The following SECISBP2 variants were observed in gnomAD, a reference collection of about 807,000 sequenced individuals.
The protein encoded by SECISBP2 is selenocysteine insertion sequence-binding protein 2.
SECISBP2 carries 96 observed loss-of-function variants against 98.2 expected under a neutral mutation model. The observed-to-expected ratio is 0.98, with a 90% confidence interval of 0.83 to 1.16. The LOEUF is 1.16. SECISBP2 is among the 50% of genes most tolerant of loss of function. SECISBP2 has a pLI of 0.00. For missense variants in SECISBP2, 1,046 were observed against 1,022.9 expected, an observed-to-expected ratio of 1.02 and a Z score of -0.31; for synonymous variants, 407 against 370.2, an observed-to-expected ratio of 1.10 and a Z score of -1.14.
At chr9:89,357,288 C>T (rs755661656) in intron 14 of SECISBP2, 123 bp from the exon 15 acceptor site, 16 of 1,024,014 alleles carry the variant, frequency 1.6e-5, no homozygotes, top group Admixed American at 3.4e-5. Flanking sequence ...TTTTCAGGGG[C>T]GTCTGCCTTG....
intron 5 of SECISBP2, 110 bp downstream of exon 5, chr9:89,328,996 G>T: frequency 1.1e-6 from 1 of 909,514 alleles, no homozygotes. Context: ...CATGGAGCTG[G>T]GGAGGATGTA....
In SECISBP2 at chr9:89,359,541, T is replaced by C. The variant is rs965272650; in HGVS notation, c.*717T>C. On this transcript the variant is annotated 3_prime_UTR_variant, in exon 17 of 17. Coordinates refer to ENST00000375807, the MANE Select transcript of SECISBP2 (RefSeq NM_024077.5). ...CTTTCCTTTTTCAATGAACATATTC[T>C]GAATGTGGTTTCTGTCTTAGACCAG... The C allele has an allele frequency of 1.3e-4, 20 of 152,352 alleles. No individual in the cohort carries two copies. The highest frequency in any genetic ancestry group is 4.6e-4 in the African/African-American group (19 of 41,458). The allele number at this position is 152,352 out of a possible 1,614,324, so 9.4% of individuals were successfully genotyped here. A position where few individuals can be genotyped will look rare whatever the true frequency, so the allele number is the denominator to read the frequency against.
downstream of SECISBP2, chr9:89,363,991 G>A (rs1210963783): frequency 1.9e-6 from 3 of 1,613,786 alleles, no homozygotes; most frequent in Admixed American, 3.3e-5. Flanking sequence ...TCCACATTTA[G>A]GACCCAAAGA....
chr9:89,338,886 G>GTC (rs1554721253), intron 8 of SECISBP2, among the ~76,000 whole-genome samples: 2,268 of 140,746 alleles, frequency 0.016, 32 homozygotes, highest in Middle Eastern at 0.033. Flanking sequence ...TTCTTTACCT[G>GTC]TTTTTTTTTT....
At chr9:89,362,555 C>T (rs933023701), downstream of SECISBP2, 17 of 1,541,040 alleles carry the variant, frequency 1.1e-5, no homozygotes, top group African/African-American at 1.4e-4. Flanking sequence ...GTTGTGGTTC[C>T]CCTCCTTGGA....
At chr9:89,350,184 A>C (rs1831062292) in intron 13 of SECISBP2, among the ~76,000 whole-genome samples, 1 of 152,126 alleles carries the variant, frequency 6.6e-6, no homozygotes, top group South Asian at 2.1e-4. Flanking sequence ...TCGGGAGTGG[A>C]TAGTGAAGTG....
chr9:89,351,612 G>A (rs560834518), intron 14 of SECISBP2, among the ~76,000 whole-genome samples: 8 of 152,270 alleles, frequency 5.3e-5, no homozygotes, highest in Non-Finnish European at 1.0e-4. Flanking sequence ...GTCCCACTTT[G>A]AGATAATGCA....
intron 9 of SECISBP2, among the ~76,000 whole-genome samples, chr9:89,340,286 G>A (rs1242663437): frequency 1.3e-5 from 2 of 152,146 alleles, no homozygotes; most frequent in Admixed American, 6.5e-5. Context: ...TTGGGAAACG[G>A]AAGAATTTTT....
At chr9:89,356,400 A>G (rs557047105) in intron 14 of SECISBP2, 1 of 152,312 alleles carries the variant, frequency 6.6e-6, no homozygotes, top group East Asian at 1.9e-4. Context: ...TTGACATTTC[A>G]TCATTTTGGA....
At position 89,334,691 on chromosome 9, in the gene SECISBP2, C is replaced by G. The variant is rs758797908; in HGVS notation, c.1050C>G (p.Ser350=). The G allele has an allele frequency of 1.2e-6, 2 of 1,613,936 alleles. No homozygotes were observed. Among genetic ancestry groups the G allele is most frequent in the East Asian group, 2.2e-5 (1 of 44,868 alleles). ...CTGAAGCTTTATCTTCGGATCCTTC[C>G]TACAACAAAGAAAAACACATTATTC... ...PSSEALSSDP[S]YNKEKHIIHP... is the part of the protein sequence containing the mutation. The change falls in exon 7 of 17, where the codon TCC becomes TCG. Residue 350 remains serine, a synonymous_variant. Coordinates refer to ENST00000375807, the MANE Select transcript of SECISBP2 (RefSeq NM_024077.5).
chr9:89,354,806 G>A, intron 14 of SECISBP2: 4 of 985,422 alleles, frequency 4.1e-6, no homozygotes, highest in Non-Finnish European at 4.8e-6. Flanking sequence ...GGGAGCTGGG[G>A]TGGACACCAG....
In SECISBP2 at chr9:89,338,478, T is replaced by C. The variant is rs141585851; in HGVS notation, c.1110T>C (p.Ser370=). The C allele has an allele frequency of 9.9e-6, 16 of 1,613,432 alleles. No homozygotes were observed. The highest frequency in any genetic ancestry group is 1.4e-5 in the Non-Finnish European group (16 of 1,179,892). Residue 370 remains serine, a synonymous_variant, in exon 8 of 17, where the codon AGT becomes AGC. Transcript: ENST00000375807. ...TCTAGTCTAAAGCATCACAAGGTAG[T>C]GACCTTGAACAAAATGAAGCCTCAA... ...PTQKSKASQG[S]DLEQNEASRK... is the part of the protein sequence containing the mutation.
intron 14 of SECISBP2, among the ~76,000 whole-genome samples, chr9:89,354,481 A>G (rs1331783834): frequency 6.6e-6 from 1 of 152,196 alleles, no homozygotes; most frequent in African/African-American, 2.4e-5. Context: ...GTTGTCTACC[A>G]GGGGTGCTCA....
chr9:89,341,608 A>G, intron 10 of SECISBP2, 129 bp downstream of exon 10: 1 of 1,085,020 alleles, frequency 9.2e-7, no homozygotes, highest in Non-Finnish European at 1.4e-6. Context: ...ATAAGCATAG[A>G]TAAGGACCTG....
intron 14 of SECISBP2, 131 bp from the exon 15 acceptor site, chr9:89,357,269 CTCCTTGTATTT>C: frequency 1.1e-6 from 1 of 874,016 alleles, no homozygotes; most frequent in Non-Finnish European, 1.9e-6. Flanking sequence ...AACTTGCTTT[CTCCTTGTATTT>C]TCAGGGGCGT....
downstream of SECISBP2, among the ~76,000 whole-genome samples, chr9:89,360,489 G>A (rs1294916203): frequency 1.3e-5 from 2 of 152,168 alleles, no homozygotes; most frequent in Non-Finnish European, 2.9e-5. Flanking sequence ...TCTGCTCAAA[G>A]CCCCTTTTTA....
chr9:89,328,638 A>C, intron 4 of SECISBP2, 22 bp from the exon 5 acceptor site: 1 of 1,601,640 alleles, frequency 6.2e-7, no homozygotes, highest in Non-Finnish European at 8.6e-7. Flanking sequence ...TTTTACTCTT[A>C]CTTTTAATTT....
chr9:89,361,282 T>G (rs1265309112), downstream of SECISBP2: 1 of 152,186 alleles, frequency 6.6e-6, no homozygotes, highest in East Asian at 1.9e-4. Flanking sequence ...TGTATGCTGA[T>G]CCCACACAAA....
chr9:89,362,546 T>C (rs1832857529), downstream of SECISBP2: 2 of 1,569,824 alleles, frequency 1.3e-6, no homozygotes. Flanking sequence ...CAGCCCCCTG[T>C]TGTGGTTCCC....
Sources: gnomAD v4.1 joint callset for allele counts (sites outside exome capture counted in the v4.1 genomes callset) on GRCh38, gnomAD v4.1.1 for gene constraint, MANE v1.5 for transcripts, NCBI Gene and HGNC (gene_info 2026-07-23, HGNC 2026-07-21) for gene names.